The following PDE8B variants were observed in gnomAD, a reference collection of about 807,000 sequenced individuals.
PDE8B encodes high affinity cAMP-specific and IBMX-insensitive 3',5'-cyclic phosphodiesterase 8B.
Under a neutral mutation model 101.3 loss-of-function variants are expected in PDE8B, and 26 were observed. The observed-to-expected ratio is 0.26, with a 90% confidence interval of 0.19 to 0.36. PDE8B has a LOEUF of 0.36. Ranked by LOEUF, PDE8B falls within the 10% of genes least tolerant of loss-of-function variation. The probability of loss-of-function intolerance (pLI) is 1.00; values close to 1 mark genes in which losing one functional copy is unlikely to be tolerated. For synonymous variants in PDE8B, 424 were observed against 429.3 expected (o/e 0.99, Z 0.15); for missense variants, 810 against 1,163.1 (o/e 0.70, Z 4.42).
At chr5:77,403,388 T>C (rs1281936428) in intron 11 of PDE8B, among the ~76,000 whole-genome samples, 1 of 152,230 alleles carries the variant, frequency 6.6e-6, no homozygotes, top group African/African-American at 2.4e-5. Context: ...CATCATTTGA[T>C]GAAATCCATC....
chr5:77,321,142 A>ATTTTTTTTTT (rs10538529), intron 2 of PDE8B, among the ~76,000 whole-genome samples: 5 of 76,430 alleles, frequency 6.5e-5, no homozygotes, highest in Non-Finnish European at 7.4e-5. Flanking sequence ...CAGTATCTCT[A>ATTTTTTTTTT]TTTTTTTTTT....
chr5:77,294,648 T>C (rs1353840302), intron 1 of PDE8B, among the ~76,000 whole-genome samples: 1 of 143,362 alleles, frequency 7.0e-6, no homozygotes. Flanking sequence ...AGAAAAGAAA[T>C]AGAAATAAAA....
the PDE8B span, among the ~76,000 whole-genome samples, chr5:77,137,832 CTT>C: frequency 7.2e-5 from 11 of 152,024 alleles, no homozygotes; most frequent in Admixed American, 4.6e-4. Flanking sequence ...CAAGGAGAGA[CTT>C]TTTTTCATTA....
chr5:77,214,170 A>G (rs1359924228), intron 1 of PDE8B, among the ~76,000 whole-genome samples: 2 of 151,890 alleles, frequency 1.3e-5, no homozygotes, highest in Non-Finnish European at 2.9e-5. Context: ...AGATGGTTGA[A>G]CCTCTCTCTG....
the PDE8B span, among the ~76,000 whole-genome samples, chr5:77,179,307 T>A: frequency 1.3e-5 from 2 of 152,268 alleles, no homozygotes; most frequent in Non-Finnish European, 2.9e-5. Context: ...CTCATCAGCC[T>A]TTCTGGATGA....
intron 1 of PDE8B, among the ~76,000 whole-genome samples, chr5:77,297,194 C>A (rs1171146886): frequency 1.3e-5 from 2 of 152,224 alleles, no homozygotes; most frequent in Non-Finnish European, 2.9e-5. Flanking sequence ...CTCAAGATAA[C>A]AGCATTAATC....
At chr5:77,186,176 C>T in the PDE8B span, among the ~76,000 whole-genome samples, 1 of 152,210 alleles carries the variant, frequency 6.6e-6, no homozygotes, top group Non-Finnish European at 1.5e-5. Flanking sequence ...CTCTGCCACA[C>T]AAGCTCCCAG....
chr5:77,329,145 G>C (rs1776634818), intron 4 of PDE8B, 88 bp downstream of exon 4: 3 of 1,004,334 alleles, frequency 3.0e-6, no homozygotes, highest in Non-Finnish European at 4.8e-6. Context: ...AGCTATCTAA[G>C]CAATGGGTGT....
At chr5:77,352,657 G>C (rs191273467) in intron 9 of PDE8B, among the ~76,000 whole-genome samples, 1 of 152,210 alleles carries the variant, frequency 6.6e-6, no homozygotes, top group African/African-American at 2.4e-5. Flanking sequence ...GAGAGAGAGA[G>C]AGTGGGATAC....
chr5:77,414,780 C>A (rs1415283308), intron 17 of PDE8B, among the ~76,000 whole-genome samples: 1 of 152,090 alleles, frequency 6.6e-6, no homozygotes, highest in Admixed American at 6.6e-5. Context: ...AAGCCACATG[C>A]TACCAGTTGA....
chr5:77,280,851 C>T (rs1257153828), intron 1 of PDE8B, among the ~76,000 whole-genome samples: 1 of 152,162 alleles, frequency 6.6e-6, no homozygotes, highest in African/African-American at 2.4e-5. Context: ...GAGCTAAGAT[C>T]GCGCCACTGC....
At chr5:77,325,454 C>A in intron 2 of PDE8B, 85 bp from the exon 3 acceptor site, 2 of 1,211,136 alleles carry the variant, frequency 1.7e-6, no homozygotes, top group Non-Finnish European at 2.5e-6. Flanking sequence ...CAGGCATGAG[C>A]CACTGCGCCT....
the PDE8B span, among the ~76,000 whole-genome samples, chr5:77,125,295 T>C: frequency 6.6e-6 from 1 of 152,214 alleles, no homozygotes; most frequent in Non-Finnish European, 1.5e-5. Context: ...CACTGTTTTC[T>C]TTAAAAAGGA....
rs1038003043 is a variant in PDE8B at position 77,418,492 on chromosome 5, T to G, written c.2129+46T>G. On this transcript the variant is annotated intron_variant, in intron 18 of 21. Coordinates refer to ENST00000264917, the MANE Select transcript of PDE8B (RefSeq NM_003719.5). ...TGTGCTCAAGTTTGTGAAGTTTAAG[T>G]GGTTTTCCCAAATACTTAGCTTCCT... 2.9e-6 allele frequency: 4 copies of G among 1,380,288 alleles called. No homozygotes were observed. In the African/African-American group the frequency reaches 5.7e-5, roughly 20 times the overall value. The allele number at this position is 1,380,288 out of a possible 1,614,324, so 85.5% of individuals were successfully genotyped here.
the PDE8B span, chr5:77,139,148 C>T: frequency 2.0e-5 from 3 of 152,278 alleles, no homozygotes; most frequent in African/African-American, 7.2e-5. Flanking sequence ...GGTCTTGGGT[C>T]ACTGCCAGAG....
At chr5:77,155,243 G>C in the PDE8B span, among the ~76,000 whole-genome samples, 1 of 152,192 alleles carries the variant, frequency 6.6e-6, no homozygotes, top group Non-Finnish European at 1.5e-5. Context: ...GAAATAGAGG[G>C]AAATCTGATT....
chr5:77,272,770 G>C (rs1763053609), intron 1 of PDE8B, among the ~76,000 whole-genome samples: 1 of 152,198 alleles, frequency 6.6e-6, no homozygotes, highest in African/African-American at 2.4e-5. Context: ...ATAGTATAAA[G>C]GGGGCAAAAA....
chr5:77,273,733 A>G lies in PDE8B; in HGVS notation c.340-38261A>G, dbSNP rs1405375299. On this transcript the variant is annotated intron_variant, in intron 1 of 21. Transcript: ENST00000264917. ...CCATTTGAGGTGGACAAAATAGTAT[A>G]TAAAAAATAAAGTTTGATTTTTATT... Among the ~76,000 whole-genome samples the G allele has an allele frequency of 2.0e-5, 3 of 152,262 alleles. No homozygotes were observed. In the East Asian group the frequency reaches 5.8e-4, roughly 29 times the overall value.
chr5:77,278,122 T>C (rs1339803526), intron 1 of PDE8B, among the ~76,000 whole-genome samples: 2 of 152,168 alleles, frequency 1.3e-5, no homozygotes, highest in Non-Finnish European at 2.9e-5. Context: ...TCTCATGTTT[T>C]CCTTATTGTA....
Sources: allele counts gnomAD v4.1 joint callset (sites outside exome capture counted in the v4.1 genomes callset), GRCh38; gene constraint gnomAD v4.1.1; transcripts MANE v1.5; gene names NCBI Gene and HGNC (gene_info 2026-07-23, HGNC 2026-07-21).